KCTD8: variants seen among roughly 807,000 people sequenced by gnomAD.
KCTD8 encodes the protein BTB/POZ domain-containing protein KCTD8.
In KCTD8, 27 loss-of-function variants were observed where a neutral mutation model predicts 31.5. That is an observed-to-expected ratio of 0.86 (90% CI 0.63 to 1.18). KCTD8 has a LOEUF of 1.18. Ranked by LOEUF, KCTD8 falls within the 50% of genes most tolerant of loss-of-function variation. The pLI is 0.00. For missense variants in KCTD8, 658 were observed against 647.7 expected, an observed-to-expected ratio of 1.02 and a Z score of -0.17; for synonymous variants, 290 against 280.0, an observed-to-expected ratio of 1.04 and a Z score of -0.36.
At chr4:44,409,339 C>A (rs1275510952) in intron 1 of KCTD8, among the ~76,000 whole-genome samples, 3 of 151,866 alleles carry the variant, frequency 2.0e-5, no homozygotes, top group Non-Finnish European at 4.4e-5. Flanking sequence ...GAGAAAGACC[C>A]TAGGAAAAAT....
At chr4:44,356,734 A>T (rs1279266992) in intron 1 of KCTD8, among the ~76,000 whole-genome samples, 1 of 152,144 alleles carries the variant, frequency 6.6e-6, no homozygotes. Context: ...GGCCTCCCAA[A>T]GTGCTGGGAT....
intron 1 of KCTD8, among the ~76,000 whole-genome samples, chr4:44,285,189 T>G (rs1717027859): frequency 6.6e-6 from 1 of 152,096 alleles, no homozygotes; most frequent in African/African-American, 2.4e-5. Context: ...GTATTGCAGC[T>G]TTATTCACAA....
intron 1 of KCTD8, among the ~76,000 whole-genome samples, chr4:44,337,623 G>A (rs1056514578): frequency 6.0e-5 from 9 of 150,248 alleles, no homozygotes; most frequent in African/African-American, 1.2e-4. Flanking sequence ...GCAGTGAGCC[G>A]AGATTGCACC....
intron 1 of KCTD8, among the ~76,000 whole-genome samples, chr4:44,264,890 G>A (rs1217269249): frequency 6.6e-6 from 1 of 152,226 alleles, no homozygotes; most frequent in African/African-American, 2.4e-5. Context: ...CAGCTGGGAA[G>A]CTTGAACTGG....
intron 1 of KCTD8, among the ~76,000 whole-genome samples, chr4:44,236,417 T>C (rs1310060130): frequency 6.6e-6 from 1 of 152,156 alleles, no homozygotes; most frequent in African/African-American, 2.4e-5. Context: ...AAGAGTCAGA[T>C]GAGGAGTTCA....
intron 1 of KCTD8, among the ~76,000 whole-genome samples, chr4:44,267,436 A>G (rs1212682598): frequency 6.6e-6 from 1 of 152,216 alleles, no homozygotes; most frequent in Non-Finnish European, 1.5e-5. Flanking sequence ...CCCACAAGAG[A>G]AAGCAGGAAA....
At chr4:44,369,118 G>T (rs933732456) in intron 1 of KCTD8, among the ~76,000 whole-genome samples, 1 of 152,202 alleles carries the variant, frequency 6.6e-6, no homozygotes, top group Non-Finnish European at 1.5e-5. Context: ...AAAAGTCAGA[G>T]TACTTACTAG....
In KCTD8 at chr4:44,447,909, G is replaced by A. The variant is rs750798051; in HGVS notation, c.615C>T (p.Arg205=). The change falls in exon 1 of 2, where the codon CGC becomes CGT. Residue 205 remains arginine, a synonymous_variant. Transcript: ENST00000360029. ...GGGGGGAQDK[R]SGFLTLGYRG... is the part of the protein sequence containing the mutation. ...GGTAGCCCAGCGTGAGGAAGCCCGA[G>A]CGCTTGTCCTGCGCGCCGCCGCCGC... is the stretch of plus-strand genomic sequence containing the variant. 11 of 1,485,096 alleles carry A rather than the reference G, an allele frequency of 7.4e-6. No individual in the cohort carries two copies. The highest frequency in any genetic ancestry group is 2.8e-5 in the East Asian group (1 of 35,846). 92.0% of individuals were successfully genotyped at this position (1,485,096 alleles called of 1,614,324 possible). A position where few individuals can be genotyped will look rare whatever the true frequency, so the allele number is the denominator to read the frequency against.
intron 1 of KCTD8, among the ~76,000 whole-genome samples, chr4:44,343,731 C>T (rs1157875572): frequency 6.6e-6 from 1 of 152,120 alleles, no homozygotes; most frequent in Non-Finnish European, 1.5e-5. Flanking sequence ...ATATTATATA[C>T]TAACAAAAAT....
Position 44,448,633 on chromosome 4 carries a change from C to A in KCTD8, c.-110G>T. ...TGGCGCTCTGCGCCCTCGGACTGGGCGGCGCGTTCCTCCGACCGGGGCGGC... is the reference window on the plus strand; with the variant it reads ...TGGCGCTCTGCGCCCTCGGACTGGGAGGCGCGTTCCTCCGACCGGGGCGGC... On this transcript the variant is annotated 5_prime_UTR_variant, in exon 1 of 2. Coordinates refer to ENST00000360029, the MANE Select transcript of KCTD8 (RefSeq NM_198353.3). This position sits in a 1 kb window ranked among gnomAD's most constrained non-coding sequence, Gnocchi z 4.1. 2 of 1,174,798 alleles carry A rather than the reference C, an allele frequency of 1.7e-6. No individual in the cohort carries two copies. The highest frequency in any genetic ancestry group is 2.2e-6 in the Non-Finnish European group (2 of 925,312). The allele number at this position is 1,174,798 out of a possible 1,614,324, so 72.8% of individuals were successfully genotyped here.
intron 1 of KCTD8, among the ~76,000 whole-genome samples, chr4:44,447,164 C>A (rs999744422): frequency 6.6e-6 from 1 of 152,230 alleles, no homozygotes; most frequent in Non-Finnish European, 1.5e-5. Flanking sequence ...CATGAAATGA[C>A]CCCCAGCAGT....
Position 44,181,890 on chromosome 4 carries a change from C to T in KCTD8, c.962-6640G>A, listed in dbSNP as rs1392382454. On this transcript the variant is annotated intron_variant, in intron 1 of 1. Transcript: ENST00000360029. ...CCGTCTGGGATGTGAGGAGCCCCTC[C>T]GCCTGGCAGCCGCCCCATCTGAGAA... Among the ~76,000 whole-genome samples, 9 of 150,646 alleles carry T rather than the reference C, an allele frequency of 6.0e-5. No homozygotes were observed. The East Asian group carries it at 6.0e-4, about 10-fold the overall frequency.
intron 1 of KCTD8, among the ~76,000 whole-genome samples, chr4:44,322,380 C>T (rs1191261261): frequency 1.3e-5 from 2 of 151,818 alleles, no homozygotes; most frequent in Non-Finnish European, 2.9e-5. Flanking sequence ...ACACTATTGG[C>T]CATTTGTATG....
chr4:44,293,254 T>C (rs993507324), intron 1 of KCTD8: 5 of 216,032 alleles, frequency 2.3e-5, no homozygotes, highest in African/African-American at 1.2e-4. Context: ...TCTTCTTAGT[T>C]GATGACCTTT....
intron 1 of KCTD8, among the ~76,000 whole-genome samples, chr4:44,386,690 G>T (rs1720231478): frequency 6.6e-6 from 1 of 151,534 alleles, no homozygotes; most frequent in African/African-American, 2.4e-5. Flanking sequence ...CAGTTTGGAA[G>T]TTCCTCAAAA....
chr4:44,182,121 T>TG (rs1319036546), intron 1 of KCTD8, among the ~76,000 whole-genome samples: 1 of 149,118 alleles, frequency 6.7e-6, no homozygotes, highest in South Asian at 2.1e-4. Context: ...GGGAGGAAGG[T>TG]GGGGGGTCAG....
intron 1 of KCTD8, among the ~76,000 whole-genome samples, chr4:44,306,943 A>C (rs1247074607): frequency 6.6e-6 from 1 of 152,000 alleles, no homozygotes; most frequent in Admixed American, 6.6e-5. Flanking sequence ...GGAGTCTGAA[A>C]AATCAAAAGA....
At chr4:44,215,338 T>A (rs1714618503) in intron 1 of KCTD8, among the ~76,000 whole-genome samples, 1 of 152,142 alleles carries the variant, frequency 6.6e-6, no homozygotes, top group Non-Finnish European at 1.5e-5. Context: ...TTTTTTCTAT[T>A]TAAAAATATA....
chr4:44,440,830 GA>G (rs1319471679), intron 1 of KCTD8, among the ~76,000 whole-genome samples: 4 of 152,184 alleles, frequency 2.6e-5, no homozygotes, highest in Non-Finnish European at 5.9e-5. Flanking sequence ...AGTGCACACA[GA>G]AAAGACAGAG....
Sources: allele counts gnomAD v4.1 joint callset (sites outside exome capture counted in the v4.1 genomes callset), GRCh38; gene constraint gnomAD v4.1.1; non-coding constraint Gnocchi (gnomAD v3.1); transcripts MANE v1.5; gene names NCBI Gene and HGNC (gene_info 2026-07-23, HGNC 2026-07-21).